The following RFX4 variants were observed in gnomAD, a reference collection of about 807,000 sequenced individuals.
The protein encoded by RFX4 is regulatory factor X4, also known as transcription factor RFX4.
In RFX4, 10 loss-of-function variants were observed where a neutral mutation model predicts 95.0. The observed-to-expected ratio is 0.11, with a 90% confidence interval of 0.06 to 0.18. RFX4 has a LOEUF of 0.18. RFX4 is among the 10% of genes least tolerant of loss of function. RFX4 has a pLI of 1.00. For synonymous variants in RFX4, 321 were observed against 340.7 expected (o/e 0.94, Z 0.64); for missense variants, 640 against 922.0 (o/e 0.69, Z 3.96).
intron 8 of RFX4, among the ~76,000 whole-genome samples, chr12:106,702,753 G>C (rs1198357906): frequency 6.6e-6 from 1 of 152,076 alleles, no homozygotes; most frequent in East Asian, 1.9e-4. Flanking sequence ...ACCTACAACG[G>C]GTCTTCCCTA....
chr12:106,612,778 C>T (rs759505262), intron 2 of RFX4, among the ~76,000 whole-genome samples: 5 of 151,108 alleles, frequency 3.3e-5, no homozygotes, highest in Non-Finnish European at 5.9e-5. Flanking sequence ...GCAGAGGGTG[C>T]AGTGAGCCAA....
At chr12:106,653,023 T>A (rs2040885037) in intron 3 of RFX4, among the ~76,000 whole-genome samples, 1 of 152,222 alleles carries the variant, frequency 6.6e-6, no homozygotes, top group Non-Finnish European at 1.5e-5. Flanking sequence ...TAAAATCTAG[T>A]TAATGATCAA....
In RFX4 at chr12:106,591,827, T is replaced by C. The variant is rs1162062047; in HGVS notation, c.43+8464T>C. Among the ~76,000 whole-genome samples, 4 of 152,306 alleles carry C rather than the reference T, an allele frequency of 2.6e-5. No individual in the cohort carries two copies. In the East Asian group the frequency reaches 7.7e-4, roughly 29 times the overall value. The stretch of plus-strand genomic sequence containing the variant: ...CCTTTAGGTAACTTAAACAATATAT[T>C]GCATCTAGAAGTCATTCACAGATAT... On this transcript the variant is annotated intron_variant, in intron 1 of 17. Transcript: ENST00000392842.
intron 1 of RFX4, among the ~76,000 whole-genome samples, chr12:106,605,989 A>G (rs1052493538): frequency 2.6e-5 from 4 of 152,050 alleles, no homozygotes; most frequent in African/African-American, 9.7e-5. Flanking sequence ...AGTGTGGAGG[A>G]CAGGTGCTGC....
At chr12:106,739,449 A>G (rs2042768837) in intron 15 of RFX4, among the ~76,000 whole-genome samples, 1 of 152,216 alleles carries the variant, frequency 6.6e-6, no homozygotes, top group Non-Finnish European at 1.5e-5. Flanking sequence ...TTCATTGCAC[A>G]TAACCTTTTG....
intron 4 of RFX4, among the ~76,000 whole-genome samples, chr12:106,681,593 G>A (rs555607100): frequency 3.3e-4 from 50 of 152,304 alleles, no homozygotes; most frequent in African/African-American, 1.1e-3. Context: ...GGTGAGTAAA[G>A]GTGAGAATTA....
At chr12:106,708,144 A>G (rs957684127) in intron 8 of RFX4, among the ~76,000 whole-genome samples, 3 of 152,200 alleles carry the variant, frequency 2.0e-5, no homozygotes, top group Non-Finnish European at 2.9e-5. Flanking sequence ...AAAAAAACTG[A>G]TGAGCAGAAT....
chr12:106,606,951 C>A (rs2039846909), intron 1 of RFX4, among the ~76,000 whole-genome samples: 1 of 152,168 alleles, frequency 6.6e-6, no homozygotes, highest in Admixed American at 6.5e-5. Context: ...TGAGGAGTCA[C>A]ATTACTTAAT....
chr12:106,682,588 A>C (rs2041537568), intron 5 of RFX4: 1 of 152,720 alleles, frequency 6.5e-6, no homozygotes, highest in African/African-American at 2.4e-5. Flanking sequence ...ATGTGGTGCT[A>C]GGTACTGGGA....
chr12:106,750,550 A>G (rs12424114), intron 16 of RFX4, 105 bp from the exon 17 acceptor site: 420,326 of 1,149,980 alleles, frequency 0.37, 79,445 homozygotes, highest in African/African-American at 0.5. Flanking sequence ...AGAAAAGAGA[A>G]AAAAGAAGAA....
chr12:106,732,816 A>G, intron 14 of RFX4, 108 bp from the exon 15 acceptor site: 1 of 1,111,116 alleles, frequency 9.0e-7, no homozygotes, highest in East Asian at 2.4e-5. Context: ...AGAGTTTGAC[A>G]AGAGAGTGAC....
At chr12:106,701,159 T>G (rs1178581016) in intron 8 of RFX4, among the ~76,000 whole-genome samples, 1 of 152,254 alleles carries the variant, frequency 6.6e-6, no homozygotes, top group African/African-American at 2.4e-5. Context: ...TATTCTGAAT[T>G]AACACGTTTT....
chr12:106,725,809 A>G (rs2042484083), intron 13 of RFX4, among the ~76,000 whole-genome samples: 1 of 152,210 alleles, frequency 6.6e-6, no homozygotes, highest in African/African-American at 2.4e-5. Context: ...AGACCAAATG[A>G]TAATCACAAT....
intron 2 of RFX4, among the ~76,000 whole-genome samples, chr12:106,613,380 T>A (rs2137216237): frequency 6.6e-6 from 1 of 151,670 alleles, no homozygotes; most frequent in South Asian, 2.1e-4. Context: ...TTTTTTTTTT[T>A]TAGATGCAGT....
chr12:106,716,879 C>G (rs536306972), intron 11 of RFX4, among the ~76,000 whole-genome samples: 36 of 151,884 alleles, frequency 2.4e-4, no homozygotes, highest in African/African-American at 7.2e-4. Flanking sequence ...GTTGGTGAAC[C>G]TAACTCAAGG....
chr12:106,654,043 C>A (rs1431028897), intron 3 of RFX4, among the ~76,000 whole-genome samples, 185 bp from the exon 4 acceptor site: 2 of 152,202 alleles, frequency 1.3e-5, no homozygotes, highest in Non-Finnish European at 2.9e-5. Flanking sequence ...TCTGACACTG[C>A]CAAGCCACTA....
At position 106,761,296 on chromosome 12, in the gene RFX4, C is replaced by A. The variant is rs775942271; in HGVS notation, c.2035C>A (p.Pro679Thr). Residue 679 changes from proline to threonine, a missense_variant, in exon 18 of 18, where the codon CCC becomes ACC. By Grantham distance (38) the Pro-to-Thr change is conservative (BLOSUM62 -1). Around this residue, in one of 7 missense-constraint regions of RFX4, gnomAD observed 300 missense variants for 346.8 expected, o/e 0.87. Coordinates refer to ENST00000392842, the MANE Select transcript of RFX4 (RefSeq NM_213594.3). Reference sequence around the variant, plus strand: ...AGTCACTCCCCGCTGGCCAGAGGTGCCCTCAGCCAACACGTGCTACACAAG... The same window carrying A: ...AGTCACTCCCCGCTGGCCAGAGGTGACCTCAGCCAACACGTGCTACACAAG... Reference protein sequence around the residue: ...TPVTPRWPEVPSANTCYTSPS... With the variant: ...TPVTPRWPEVTSANTCYTSPS... The A allele has an allele frequency of 2.5e-6, 4 of 1,614,092 alleles. No homozygotes were observed. The South Asian group carries it at 4.4e-5, about 18-fold the overall frequency.
In RFX4 at chr12:106,718,458, CTTTG is replaced by C. The variant is rs1181226013; in HGVS notation, c.1139-1496_1139-1493del. Among the ~76,000 whole-genome samples the C allele has an allele frequency of 3.9e-5, 6 of 152,222 alleles. 1 individual carries two copies. The highest frequency in any genetic ancestry group is 4.8e-5 in the African/African-American group (2 of 41,452). ...GAACAACCTTTGGAAAGTTACTCAT[CTTTG>C]TTTGTCTCTTTCTTCACTTGTAAAA... On this transcript the variant is annotated intron_variant, in intron 11 of 17. Coordinates refer to ENST00000392842, the MANE Select transcript of RFX4 (RefSeq NM_213594.3).
At position 106,762,803 on chromosome 12, in the gene RFX4, A is replaced by C. The variant is rs890688206; in HGVS notation, c.*1334A>C. On this transcript the variant is annotated 3_prime_UTR_variant, in exon 18 of 18. Transcript: ENST00000392842. Reference sequence around the variant, plus strand: ...CACTCAAATAAAAAATATTGAAACGACCTGCTTTCTTTTGACTTTTCATTT... The same window carrying C: ...CACTCAAATAAAAAATATTGAAACGCCCTGCTTTCTTTTGACTTTTCATTT... 5 of 123,546 alleles carry C rather than the reference A, an allele frequency of 4.0e-5. No individual in the cohort carries two copies. The highest frequency in any genetic ancestry group is 1.5e-4 in the African/African-American group (5 of 32,522). 7.7% of individuals were successfully genotyped at this position (123,546 alleles called of 1,614,324 possible).
Sources: gnomAD v4.1 joint callset for allele counts (sites outside exome capture counted in the v4.1 genomes callset) on GRCh38, gnomAD v4.1.1 for gene constraint, gnomAD v4.1.1 regional missense constraint, MANE v1.5 for transcripts, NCBI Gene and HGNC (gene_info 2026-07-23, HGNC 2026-07-21) for gene names.